The following MAPK4 variants were observed in gnomAD, a reference collection of about 807,000 sequenced individuals.
The protein encoded by MAPK4 is Erk3-related.
Under a neutral mutation model 47.7 loss-of-function variants are expected in MAPK4, and 22 were observed. The observed-to-expected ratio is 0.46, with a 90% CI of 0.33 to 0.66. MAPK4 has a LOEUF of 0.66. MAPK4 is among the 30% of genes least tolerant of loss of function. The pLI is 0.02. For synonymous variants in MAPK4, 390 were observed against 365.7 expected, an observed-to-expected ratio of 1.07 and a Z score of -0.76; for missense variants, 736 against 831.7, an observed-to-expected ratio of 0.88 and a Z score of 1.42.
At chr18:50,657,177 C>G (rs769858872) in intron 1 of MAPK4, among the ~76,000 whole-genome samples, 1 of 152,226 alleles carries the variant, frequency 6.6e-6, no homozygotes, top group Non-Finnish European at 1.5e-5. Context: ...CCCCAGCAGG[C>G]TTTCCCTTAG....
chr18:50,597,975 A>G (rs1266095374), intron 1 of MAPK4, among the ~76,000 whole-genome samples: 1 of 152,220 alleles, frequency 6.6e-6, no homozygotes, highest in African/African-American at 2.4e-5. Context: ...GCTGGGGGGA[A>G]AAACAAGTAG....
At chr18:50,668,278 C>A (rs917629821) in intron 2 of MAPK4, among the ~76,000 whole-genome samples, 4 of 152,180 alleles carry the variant, frequency 2.6e-5, no homozygotes, top group African/African-American at 9.7e-5. Context: ...ATTCGCCCAC[C>A]CAGCAGTGTG....
chr18:50,704,742 C>G, intron 2 of MAPK4: 1 of 398,630 alleles, frequency 2.5e-6, no homozygotes. Context: ...TGATGTTGGA[C>G]TATGTTGTGT....
intron 1 of MAPK4, among the ~76,000 whole-genome samples, chr18:50,575,953 A>G (rs562947495): frequency 2.9e-4 from 44 of 152,318 alleles, no homozygotes; most frequent in African/African-American, 9.9e-4. Context: ...TTACCACCTC[A>G]CACCAGTCAG....
chr18:50,692,230 TAG>T (rs1909260035), intron 2 of MAPK4, among the ~76,000 whole-genome samples: 1 of 152,236 alleles, frequency 6.6e-6, no homozygotes, highest in Non-Finnish European at 1.5e-5. Context: ...TGTTAGCCTG[TAG>T]CCCAGGTCCT....
Position 50,716,192 on chromosome 18 carries a change from C to G in MAPK4, c.691+969C>G, listed in dbSNP as rs544387937. Among the ~76,000 whole-genome samples, 4 of 152,304 alleles carry G rather than the reference C, an allele frequency of 2.6e-5. No individual in the cohort carries two copies. In the East Asian group the frequency reaches 5.8e-4, roughly 22 times the overall value. On this transcript the variant is annotated intron_variant, in intron 3 of 5. Transcript: ENST00000400384. ...CCCTCTCTTCCATTCTCTCCTCACTCTGCAGCATGGTTCACGCCCCCTCCA... is the reference window on the plus strand; with the variant it reads ...CCCTCTCTTCCATTCTCTCCTCACTGTGCAGCATGGTTCACGCCCCCTCCA...
Position 50,643,477 on chromosome 18 carries a change from C to T in MAPK4, c.-870-19612C>T, listed in dbSNP as rs139374696. On this transcript the variant is annotated intron_variant, in intron 1 of 5. Coordinates refer to ENST00000400384, the MANE Select transcript of MAPK4 (RefSeq NM_002747.4). ...AGCAGAGGTTGCAGCGAGTCGAGGT[C>T]GCGCCACTGCGCTCCAGCTTGTGTA... 1.8e-3 allele frequency among the ~76,000 whole-genome samples: 277 copies of T among 152,348 alleles called. 1 individual carries two copies. The highest frequency in any genetic ancestry group is 6.3e-3 in the African/African-American group (261 of 41,584).
intron 5 of MAPK4, among the ~76,000 whole-genome samples, chr18:50,727,876 A>C (rs1911288996): frequency 6.6e-6 from 1 of 152,230 alleles, no homozygotes; most frequent in East Asian, 1.9e-4. Context: ...CAGGGTTGCT[A>C]TGAAGACTAC....
Position 50,730,587 on chromosome 18 carries a change from T to C in MAPK4, c.*733T>C, listed in dbSNP as rs1343026965. 2 of 152,634 alleles carry C rather than the reference T, an allele frequency of 1.3e-5. No individual in the cohort carries two copies. The highest frequency in any genetic ancestry group is 6.6e-5 in the Admixed American group (1 of 15,264). 9.5% of individuals were successfully genotyped at this position (152,634 alleles called of 1,614,324 possible). A position where few individuals can be genotyped will look rare whatever the true frequency, so the allele number is the denominator to read the frequency against. On this transcript the variant is annotated 3_prime_UTR_variant, in exon 6 of 6. Coordinates refer to ENST00000400384, the MANE Select transcript of MAPK4 (RefSeq NM_002747.4). Reference sequence around the variant, plus strand: ...CTGTATTTGCCTCACCCCTGCATGGTCGGAAATCTTCGTTTCAGGTCAGAA... The same window carrying C: ...CTGTATTTGCCTCACCCCTGCATGGCCGGAAATCTTCGTTTCAGGTCAGAA...
chr18:50,630,601 C>T (rs1030454745), intron 1 of MAPK4, among the ~76,000 whole-genome samples: 7 of 152,228 alleles, frequency 4.6e-5, no homozygotes, highest in Non-Finnish European at 1.0e-4. Context: ...ACAATGTCAT[C>T]CTCTTCGGAC....
chr18:50,639,949 AG>A (rs2042923926), intron 1 of MAPK4, among the ~76,000 whole-genome samples: 1 of 152,250 alleles, frequency 6.6e-6, no homozygotes, highest in African/African-American at 2.4e-5. Context: ...GGTCTGAACT[AG>A]CGTCTGATAT....
At position 50,605,791 on chromosome 18, in the gene MAPK4, C is replaced by G. The variant is rs146783481; in HGVS notation, c.-871+45548C>G. Among the ~76,000 whole-genome samples, 10 of 152,292 alleles carry G rather than the reference C, an allele frequency of 6.6e-5. No homozygotes were observed. In the East Asian group the frequency reaches 1.9e-3, roughly 29 times the overall value. ...GCGCTCGTTCCTCCATACAGCTCAC[C>G]TGGTTGCCACTCTCCTGCTCCAGCG... On this transcript the variant is annotated intron_variant, in intron 1 of 5. Coordinates refer to ENST00000400384, the MANE Select transcript of MAPK4 (RefSeq NM_002747.4).
At chr18:50,588,895 T>TA (rs910342978) in intron 1 of MAPK4, among the ~76,000 whole-genome samples, 106 of 152,282 alleles carry the variant, frequency 7.0e-4, no homozygotes, top group African/African-American at 2.5e-3. Flanking sequence ...GATGTGAACA[T>TA]ACGGTAATGG....
In MAPK4 at chr18:50,715,169, TG is replaced by T. The variant is rs1433809822; in HGVS notation, c.640del (p.Ala214ProfsTer34). The T allele has an allele frequency of 6.2e-7, 1 of 1,614,036 alleles. No homozygotes were observed. The highest frequency in any genetic ancestry group is 1.3e-5 in the African/African-American group (1 of 74,910). On this transcript the variant is annotated frameshift_variant, in exon 3 of 6. Transcript: ENST00000400384. LOFTEE classifies it high-confidence loss of function. ...PNNYTKAIDMWAAGCILAEML... is the reference protein window; with the variant it reads ...PNNYTKAIDMXAAGCILAEML... Reference sequence around the variant, plus strand: ...TAACTACACCAAAGCCATCGACATGTGGGCCGCCGGCTGCATCCTGGCTGAG... The same window carrying T: ...TAACTACACCAAAGCCATCGACATGTGGCCGCCGGCTGCATCCTGGCTGAG...
At chr18:50,602,013 C>G (rs956206900) in intron 1 of MAPK4, among the ~76,000 whole-genome samples, 2 of 152,160 alleles carry the variant, frequency 1.3e-5, no homozygotes, top group Non-Finnish European at 2.9e-5. Context: ...TTTTTTCTCT[C>G]CAGTCAACAG....
At chr18:50,605,539 G>A (rs546265213) in intron 1 of MAPK4, among the ~76,000 whole-genome samples, 1 of 152,318 alleles carries the variant, frequency 6.6e-6, no homozygotes, top group South Asian at 2.1e-4. Flanking sequence ...TGCTCCTATG[G>A]CCAGCGTGTT....
intron 1 of MAPK4, among the ~76,000 whole-genome samples, chr18:50,632,175 C>T (rs1346154685): frequency 6.6e-6 from 1 of 152,134 alleles, no homozygotes; most frequent in Non-Finnish European, 1.5e-5. Flanking sequence ...TTCAGGTGGC[C>T]TTGGGTTAGG....
chr18:50,668,999 C>T (rs918429696), intron 2 of MAPK4, among the ~76,000 whole-genome samples: 2 of 152,222 alleles, frequency 1.3e-5, no homozygotes, highest in East Asian at 1.9e-4. Flanking sequence ...CAGATGTACG[C>T]AGGGCTAAAT....
intron 1 of MAPK4, among the ~76,000 whole-genome samples, chr18:50,622,804 G>A (rs1267346359): frequency 1.3e-5 from 2 of 152,344 alleles, no homozygotes; most frequent in Non-Finnish European, 2.9e-5. Flanking sequence ...ACCACAAACT[G>A]CTAAATGTAT....
Sources: allele counts gnomAD v4.1 joint callset (sites outside exome capture counted in the v4.1 genomes callset), GRCh38; gene constraint gnomAD v4.1.1; transcripts MANE v1.5; gene names NCBI Gene and HGNC (gene_info 2026-07-23, HGNC 2026-07-21).